The following NLGN1 variants were observed in gnomAD, a reference collection of about 807,000 sequenced individuals.
NLGN1 encodes the protein neuroligin 1.
A neutral mutation model predicts 65.5 loss-of-function variants in NLGN1; 12 were observed. That is an observed-to-expected ratio of 0.18 (90% CI 0.12 to 0.30). The LOEUF (loss-of-function observed/expected upper bound fraction) is 0.30. Ranked by LOEUF, NLGN1 falls within the 10% of genes least tolerant of loss-of-function variation. The probability of loss-of-function intolerance (pLI) is 1.00; values close to 1 mark genes in which losing one functional copy is unlikely to be tolerated. For synonymous variants in NLGN1, 350 were observed against 359.5 expected, an observed-to-expected ratio of 0.97 and a Z score of 0.30; for missense variants, 750 against 1,007.1, an observed-to-expected ratio of 0.74 and a Z score of 3.46.
rs201585403 is a variant in NLGN1 at position 174,280,922 on chromosome 3, G to T, written c.2091G>T (p.Leu697=). 1.4e-5 allele frequency: 23 copies of T among 1,613,294 alleles called. No individual in the cohort carries two copies. The highest frequency in any genetic ancestry group is 7.7e-5 in the South Asian group (7 of 91,072). ...TGAACATCTTGGCCTTTGCAGCCCTGTACTACAAAAAGGATAAGAGGAGAC... is the reference window on the plus strand; with the variant it reads ...TGAACATCTTGGCCTTTGCAGCCCTTTACTACAAAAAGGATAAGAGGAGAC... Residue 697 remains leucine (L), a synonymous_variant, in exon 7 of 7, where the codon CTG becomes CTT. Coordinates refer to ENST00000457714, the Ensembl canonical transcript of NLGN1. The surrounding 1 kb of genome is among the most constrained non-coding windows in gnomAD (Gnocchi z 4.9).
At chr3:173,552,040 C>T (rs1207298125) in intron 2 of NLGN1, among the ~76,000 whole-genome samples, 1 of 152,192 alleles carries the variant, frequency 6.6e-6, no homozygotes, top group Non-Finnish European at 1.5e-5. Flanking sequence ...AATGAATGAT[C>T]TCCTCCTTTG....
At chr3:173,464,976 A>G (rs1724081521) in intron 2 of NLGN1, among the ~76,000 whole-genome samples, 1 of 152,210 alleles carries the variant, frequency 6.6e-6, no homozygotes, top group Admixed American at 6.5e-5. Context: ...AATGAACACA[A>G]TTCATTCAAC....
At position 174,238,347 on chromosome 3, in the gene NLGN1, C is replaced by T. The variant is rs559431729; in HGVS notation, c.647-36968C>T. Among the ~76,000 whole-genome samples the T allele has an allele frequency of 4.7e-5, 7 of 149,936 alleles. 1 individual carries two copies. In the South Asian group the frequency reaches 1.5e-3, roughly 32 times the overall value. On this transcript the variant is annotated intron_variant, in intron 4 of 6. Coordinates refer to ENST00000457714, the Ensembl canonical transcript of NLGN1. ...TTTATTTTTTTTTATCATTTCTTCA[C>T]TATTATGAAGTTCTTTTTTTTTTGT...
chr3:173,798,486 A>G (rs1217181896), intron 3 of NLGN1, among the ~76,000 whole-genome samples: 1 of 152,132 alleles, frequency 6.6e-6, no homozygotes, highest in Non-Finnish European at 1.5e-5. Flanking sequence ...AAATGAAAAA[A>G]TATGTATAGC....
intron 4 of NLGN1, among the ~76,000 whole-genome samples, chr3:174,149,216 A>G (rs1392616916): frequency 3.3e-5 from 5 of 152,120 alleles, no homozygotes; most frequent in African/African-American, 1.2e-4. Flanking sequence ...ATGTCCCCCA[A>G]GGTTTCATTG....
intron 3 of NLGN1, among the ~76,000 whole-genome samples, chr3:173,666,197 T>A (rs560370583): frequency 6.6e-6 from 1 of 152,162 alleles, no homozygotes; most frequent in Admixed American, 6.5e-5. Flanking sequence ...AGTAAATATA[T>A]ATATATATAA....
intron 4 of NLGN1, among the ~76,000 whole-genome samples, chr3:174,015,895 A>G (rs1560847347): frequency 6.6e-6 from 1 of 152,212 alleles, no homozygotes; most frequent in African/African-American, 2.4e-5. Context: ...TAGAACAGAA[A>G]GTTTTAGAAA....
rs370846820 is a variant in NLGN1 at position 173,846,635 on chromosome 3, G to A, written c.646+38803G>A. On this transcript the variant is annotated intron_variant, in intron 4 of 6. Transcript: ENST00000457714. ...CCACCCCCATTTCTACAAATGTCTT[G>A]AATTGAACTGCAGGTCGTCCTTTTA... is the stretch of plus-strand genomic sequence containing the variant. Among the ~76,000 whole-genome samples, 5 of 152,166 alleles carry A rather than the reference G, an allele frequency of 3.3e-5. No homozygotes were observed. In the East Asian group the frequency reaches 5.8e-4, roughly 18 times the overall value.
chr3:174,266,088 A>G (rs2152868361), intron 4 of NLGN1, among the ~76,000 whole-genome samples: 1 of 150,228 alleles, frequency 6.7e-6, no homozygotes, highest in Non-Finnish European at 1.5e-5. Context: ...TGCAGTGGCT[A>G]TATGTGCAGG....
At chr3:173,536,988 AAGGC>A (rs1737538862) in intron 2 of NLGN1, among the ~76,000 whole-genome samples, 1 of 152,196 alleles carries the variant, frequency 6.6e-6, no homozygotes, top group Non-Finnish European at 1.5e-5. Flanking sequence ...TCCTAGTTTG[AAGGC>A]AGGCAAAAAG....
intron 4 of NLGN1, among the ~76,000 whole-genome samples, chr3:174,118,834 A>G (rs1298132778): frequency 6.6e-6 from 1 of 152,210 alleles, no homozygotes; most frequent in Non-Finnish European, 1.5e-5. Flanking sequence ...ACTAAAGGTC[A>G]TAGTATGGTT....
At position 173,467,299 on chromosome 3, in the gene NLGN1, C is replaced by T. The variant is rs185937418; in HGVS notation, c.-321+32221C>T. On this transcript the variant is annotated intron_variant, in intron 2 of 6. Coordinates refer to ENST00000457714, the Ensembl canonical transcript of NLGN1. ...ATTTTAAATATATACATATTGTTAT[C>T]GATAGTAATTTACATTGCTTCCATT... Among the ~76,000 whole-genome samples the T allele has an allele frequency of 4.1e-3, 616 of 151,674 alleles. 2 individuals are homozygous for T. The highest frequency in any genetic ancestry group is 6.2e-3 in the Non-Finnish European group (423 of 67,884).
intron 4 of NLGN1, among the ~76,000 whole-genome samples, chr3:174,103,299 A>G (rs1281160876): frequency 6.6e-6 from 1 of 152,208 alleles, no homozygotes; most frequent in Non-Finnish European, 1.5e-5. Context: ...GAAAGAGGAA[A>G]TATTCTAAAG....
At chr3:173,645,730 T>C (rs1396021435) in intron 3 of NLGN1, among the ~76,000 whole-genome samples, 3 of 152,116 alleles carry the variant, frequency 2.0e-5, no homozygotes, top group African/African-American at 7.2e-5. Flanking sequence ...GGTAATCCAG[T>C]ATTAGAGACT....
intron 5 of NLGN1, among the ~76,000 whole-genome samples, chr3:174,278,646 A>G (rs561211070): frequency 6.6e-6 from 1 of 152,044 alleles, no homozygotes; most frequent in South Asian, 2.1e-4. Context: ...TCCCTAAAGC[A>G]GGTGCCACTC....
At chr3:174,191,836 A>G (rs188037671) in intron 4 of NLGN1, among the ~76,000 whole-genome samples, 1 of 152,174 alleles carries the variant, frequency 6.6e-6, no homozygotes, top group Non-Finnish European at 1.5e-5. Flanking sequence ...TTCAGTTTCA[A>G]TGATCTATCT....
chr3:173,939,116 A>G (rs1034820666), intron 4 of NLGN1, among the ~76,000 whole-genome samples: 2 of 152,212 alleles, frequency 1.3e-5, no homozygotes, highest in African/African-American at 4.8e-5. Context: ...CTAGCCTGTA[A>G]CACTTACTCC....
intron 3 of NLGN1, among the ~76,000 whole-genome samples, chr3:173,667,716 G>T (rs1210284428): frequency 6.6e-6 from 1 of 151,922 alleles, no homozygotes; most frequent in Non-Finnish European, 1.5e-5. Context: ...TGCAACCTCC[G>T]CCTCCTGGGT....
At chr3:173,587,620 A>G (rs1560008630) in intron 2 of NLGN1, among the ~76,000 whole-genome samples, 1 of 152,194 alleles carries the variant, frequency 6.6e-6, no homozygotes. Context: ...AGAACATGGT[A>G]GCCTTGATGA....
Sources: allele counts gnomAD v4.1 joint callset (sites outside exome capture counted in the v4.1 genomes callset), GRCh38; gene constraint gnomAD v4.1.1; non-coding constraint Gnocchi (gnomAD v3.1); transcripts MANE v1.5; gene names NCBI Gene and HGNC (gene_info 2026-07-23, HGNC 2026-07-21).